The following EPHA8 variants were observed in gnomAD, a reference collection of about 807,000 sequenced individuals.
EPHA8 encodes the protein EPH receptor A8, also known as ephrin type-A receptor 8.
In EPHA8, 58 loss-of-function variants were observed where a neutral mutation model predicts 103.6. The observed-to-expected ratio is 0.56, with a 90% CI of 0.45 to 0.70. The LOEUF (loss-of-function observed/expected upper bound fraction) is 0.70, where lower values mean the gene tolerates loss of function less well. Among genes scored for constraint, EPHA8 ranks in the 30% least tolerant of loss-of-function variants. The pLI is 0.00. For missense variants in EPHA8, 1,304 were observed against 1,395.2 expected, an observed-to-expected ratio of 0.93 and a Z score of 1.04; for synonymous variants, 559 against 572.5, an observed-to-expected ratio of 0.98 and a Z score of 0.34.
chr1:22,584,744 A>C (rs929517248), intron 3 of EPHA8, among the ~76,000 whole-genome samples: 1 of 152,090 alleles, frequency 6.6e-6, no homozygotes, highest in African/African-American at 2.4e-5. Context: ...CATTTGGCCC[A>C]CCTGAACCTC....
chr1:22,594,810 T>G (rs913899317), intron 7 of EPHA8, among the ~76,000 whole-genome samples: 57 of 152,318 alleles, frequency 3.7e-4, no homozygotes, highest in African/African-American at 1.4e-3. Flanking sequence ...TCTTTCCATC[T>G]GAAAACTGAA....
intron 2 of EPHA8, among the ~76,000 whole-genome samples, chr1:22,572,286 C>T (rs989658235): frequency 9.9e-5 from 15 of 152,192 alleles, no homozygotes; most frequent in African/African-American, 3.1e-4. Context: ...CAGTGTGATT[C>T]GGGCAGATTA....
Position 22,564,363 on chromosome 1 carries a change from G to A in EPHA8, c.94+634G>A, listed in dbSNP as rs528861296. Among the ~76,000 whole-genome samples the A allele has an allele frequency of 6.6e-5, 10 of 151,850 alleles. No homozygotes were observed. In the East Asian group the frequency reaches 1.8e-3, roughly 27 times the overall value. ...TCTGGCGACGGGCTGGGGAGAAGAAGGGAGGGCAGGGGAGTTCCAGCTGGA... is the reference window on the plus strand; with the variant it reads ...TCTGGCGACGGGCTGGGGAGAAGAAAGGAGGGCAGGGGAGTTCCAGCTGGA... On this transcript the variant is annotated intron_variant, in intron 1 of 16. Transcript: ENST00000166244.
At chr1:22,564,005 G>A (rs1403688351) in intron 1 of EPHA8, among the ~76,000 whole-genome samples, 4 of 152,008 alleles carry the variant, frequency 2.6e-5, no homozygotes, top group African/African-American at 9.7e-5. Context: ...GTGCAGCTGG[G>A]GACAGAATAC....
chr1:22,601,835 C>T lies in EPHA8; in HGVS notation c.*94C>T. On this transcript the variant is annotated 3_prime_UTR_variant, in exon 17 of 17. Transcript: ENST00000166244. ...GGGGCTGGCAGCAGGCAGGGCGGCC[C>T]CAGGCCTCTGCCCTCCTCTCAGGTG... 8.3e-7 allele frequency: 1 copy of T among 1,203,524 alleles called. No homozygotes were observed. The allele number at this position is 1,203,524 out of a possible 1,614,324, so 74.6% of individuals were successfully genotyped here.
chr1:22,600,549 G>T, intron 13 of EPHA8, 112 bp from the exon 14 acceptor site: 3 of 1,414,762 alleles, frequency 2.1e-6, no homozygotes, highest in South Asian at 2.6e-5. Flanking sequence ...GGGCTGTGTT[G>T]TCCCTCTGGA....
chr1:22,595,919 G>A (rs12071465), intron 8 of EPHA8, among the ~76,000 whole-genome samples, 187 bp from the exon 9 acceptor site: 13,606 of 152,302 alleles, frequency 0.089, 725 homozygotes, highest in Admixed American at 0.17. Flanking sequence ...CCATCATGGC[G>A]GTCACAGTTT....
At chr1:22,590,181 A>G (rs1385088657) in intron 5 of EPHA8, among the ~76,000 whole-genome samples, 1 of 152,052 alleles carries the variant, frequency 6.6e-6, no homozygotes, top group East Asian at 1.9e-4. Context: ...ACACAGAGAG[A>G]GAGTGAGCTA....
At position 22,576,311 on chromosome 1, in the gene EPHA8, G is replaced by A. The variant is rs763102049; in HGVS notation, c.254G>A (p.Arg85His). 1.2e-6 allele frequency: 2 copies of A among 1,613,696 alleles called. No homozygotes were observed. The highest frequency in any genetic ancestry group is 4.5e-5 in the East Asian group (2 of 44,876). The change falls in exon 3 of 17, where the codon CGC becomes CAC. Residue 85 changes from arginine to histidine, a missense_variant. By Grantham distance (29) the Arg-to-His change is conservative. Coordinates refer to ENST00000166244, the MANE Select transcript of EPHA8 (RefSeq NM_020526.5). The surrounding 1 kb of genome is among the most constrained non-coding windows in gnomAD (Gnocchi z 4.8). ...VMSPNQNNWLRTSWVPRDGAR... is the reference protein window; with the variant it reads ...VMSPNQNNWLHTSWVPRDGAR... Reference sequence around the variant, plus strand: ...AGCCCCAACCAGAACAACTGGCTGCGCACGAGCTGGGTCCCCCGAGACGGC... The same window carrying A: ...AGCCCCAACCAGAACAACTGGCTGCACACGAGCTGGGTCCCCCGAGACGGC...
chr1:22,592,399 C>T (rs1301332398), intron 5 of EPHA8, among the ~76,000 whole-genome samples: 1 of 152,188 alleles, frequency 6.6e-6, no homozygotes, highest in Non-Finnish European at 1.5e-5. Context: ...CAGCAAGTGA[C>T]TCACCCAGGG....
At chr1:22,568,683 C>G (rs1181674293) in intron 1 of EPHA8, among the ~76,000 whole-genome samples, 4 of 152,250 alleles carry the variant, frequency 2.6e-5, no homozygotes, top group Non-Finnish European at 5.9e-5. Flanking sequence ...CCCCTCCACA[C>G]CAGATGTGCA....
chr1:22,601,524 G>C lies in EPHA8; in HGVS notation c.2903+51G>C, dbSNP rs775169452. 10 of 1,596,424 alleles carry C rather than the reference G, an allele frequency of 6.3e-6. No homozygotes were observed. In the African/African-American group the frequency reaches 1.2e-4, roughly 19 times the overall value. ...CCATGCGTGTGGGGGCAGGGGGGGG[G>C]ACCCCTGCCGGGGAGGCTACAGGTC... On this transcript the variant is annotated intron_variant, in intron 16 of 16. Transcript: ENST00000166244.
In EPHA8 at chr1:22,597,365, C is replaced by T; in HGVS notation, c.1819C>T (p.Pro607Ser). The change falls in exon 10 of 17, where the codon CCC (proline) becomes TCC (serine). Residue 607 changes from proline (P) to serine (S), a missense_variant. By Grantham distance (74) the Pro-to-Ser change is moderately conservative. Coordinates refer to ENST00000166244, the MANE Select transcript of EPHA8 (RefSeq NM_020526.5). The surrounding 1 kb of genome is among the most constrained non-coding windows in gnomAD (Gnocchi z 4.6). ...LHHPPGKLPE[P>S]QFYAEPHTYE... ...TCACCCCCCGGGAAAGCTCCCAGAG[C>T]CCCAGTTCTATGCGGAACCCCACAC... is the stretch of plus-strand genomic sequence containing the variant. The T allele has an allele frequency of 6.2e-7, 1 of 1,613,384 alleles. No homozygotes were observed. Among genetic ancestry groups the T allele is most frequent in the Non-Finnish European group, 8.5e-7 (1 of 1,179,944 alleles).
intron 2 of EPHA8, among the ~76,000 whole-genome samples, chr1:22,575,952 C>A (rs1335093038): frequency 6.6e-6 from 1 of 152,006 alleles, no homozygotes; most frequent in Non-Finnish European, 1.5e-5. Context: ...AGCCATTGCT[C>A]GATAATGACA....
Position 22,589,052 on chromosome 1 carries a change from C to T in EPHA8, c.1161C>T (p.Pro387=). Residue 387 remains proline, a synonymous_variant, in exon 5 of 17, where the codon CCC becomes CCT. Transcript: ENST00000166244. The surrounding 1 kb of genome is among the most constrained non-coding windows in gnomAD (Gnocchi z 4.3). ...GTGGGAGCGGCACCCGCTTTGTGCC[C>T]CAGCAGACAAGCCTGGTGCAGGCCA... The part of the protein sequence containing the change: ...EACGSGTRFV[P]QQTSLVQASL... 6.2e-7 allele frequency: 1 copy of T among 1,612,924 alleles called. No homozygotes were observed. Among genetic ancestry groups the T allele is most frequent in the Non-Finnish European group, 8.5e-7 (1 of 1,179,578 alleles).
intron 5 of EPHA8, among the ~76,000 whole-genome samples, chr1:22,592,231 CTCTG>C (rs1641391479): frequency 6.6e-6 from 1 of 152,190 alleles, no homozygotes; most frequent in East Asian, 1.9e-4. Context: ...CCTGGTCTCA[CTCTG>C]TCTGCCCCCA....
chr1:22,594,294 A>G (rs928231377), intron 7 of EPHA8, among the ~76,000 whole-genome samples: 1 of 152,186 alleles, frequency 6.6e-6, no homozygotes, highest in African/African-American at 2.4e-5. Context: ...CAGATGAAAA[A>G]CCGAGGTTAG....
rs1557582929 is a variant in EPHA8, at chr1:22,599,620, A to AG, written c.2388+574dup. On this transcript the variant is annotated intron_variant, in intron 13 of 16. Transcript: ENST00000166244. ...AGTGGAGAGAGGGAGGGAGGGAGGA[A>AG]GAAGGGAAGGAAGGAAGGGAGGGAG... Among the ~76,000 whole-genome samples, 41 of 106,782 alleles carry AG rather than the reference A, an allele frequency of 3.8e-4. 1 individual carries two copies. The East Asian group carries it at 8.4e-3, about 22-fold the overall frequency. 70.1% of individuals were successfully genotyped at this position (106,782 alleles called of 152,430 possible).
intron 3 of EPHA8, among the ~76,000 whole-genome samples, chr1:22,578,645 ATGTGTG>A (rs61726617): frequency 5.7e-5 from 8 of 139,788 alleles, no homozygotes; most frequent in African/African-American, 2.1e-4. Context: ...GTGTATGTGT[ATGTGTG>A]TGCATGTGAG....
Sources: gnomAD v4.1 joint callset for allele counts (sites outside exome capture counted in the v4.1 genomes callset) on GRCh38, gnomAD v4.1.1 for gene constraint, Gnocchi (gnomAD v3.1) non-coding constraint, MANE v1.5 for transcripts, NCBI Gene and HGNC (gene_info 2026-07-23, HGNC 2026-07-21) for gene names.